The following COL24A1 variants were observed in gnomAD, a reference collection of about 807,000 sequenced individuals.
COL24A1 encodes collagen type XXIV alpha 1 chain.
Under a neutral mutation model 253.9 loss-of-function variants are expected in COL24A1, and 224 were observed. The ratio of observed to expected loss-of-function variants is 0.88; its 90% CI spans 0.79 to 0.99. The LOEUF is 0.99. Ranked by LOEUF, COL24A1 falls within the 50% of genes least tolerant of loss-of-function variation. The pLI, the probability that COL24A1 is intolerant of heterozygous loss-of-function variation, is 0.00. For synonymous variants in COL24A1, 685 were observed against 673.7 expected (o/e 1.02, Z -0.26); for missense variants, 2,131 against 2,068.5 (o/e 1.03, Z -0.59).
intron 3 of COL24A1, among the ~76,000 whole-genome samples, chr1:86,123,343 T>A (rs78700620): frequency 0.75 from 113,392 of 151,400 alleles, 42,461 homozygotes; most frequent in Middle Eastern, 0.82. Flanking sequence ...AAAAATACTA[T>A]TTTTTTAACC....
chr1:86,058,227 T>A (rs974404140), intron 9 of COL24A1, among the ~76,000 whole-genome samples: 4 of 152,000 alleles, frequency 2.6e-5, no homozygotes, highest in Admixed American at 2.6e-4. Flanking sequence ...GTCAGATTTT[T>A]AAAATTTTTT....
chr1:85,739,438 A>C (rs1473613674), intron 57 of COL24A1, among the ~76,000 whole-genome samples: 1 of 152,158 alleles, frequency 6.6e-6, no homozygotes, highest in African/African-American at 2.4e-5. Flanking sequence ...TTCTGACTCA[A>C]AACTAGCTCT....
chr1:85,881,420 C>A (rs936535244), intron 32 of COL24A1, among the ~76,000 whole-genome samples: 3 of 151,524 alleles, frequency 2.0e-5, no homozygotes, highest in African/African-American at 7.3e-5. Context: ...AGTTTGAGAC[C>A]AGCCTGACCA....
At chr1:86,097,907 AT>A (rs1024062795) in intron 5 of COL24A1, among the ~76,000 whole-genome samples, 3 of 152,142 alleles carry the variant, frequency 2.0e-5, no homozygotes, top group African/African-American at 7.2e-5. Flanking sequence ...TTAAATAGTG[AT>A]CTCAGTTGAA....
At chr1:85,894,852 G>A (rs1362053509) in intron 31 of COL24A1, among the ~76,000 whole-genome samples, 4 of 152,130 alleles carry the variant, frequency 2.6e-5, no homozygotes, top group African/African-American at 9.7e-5. Flanking sequence ...GAAACAGCGG[G>A]CAGGGGGCAG....
chr1:85,780,283 T>G (rs1669017753), intron 52 of COL24A1, among the ~76,000 whole-genome samples: 1 of 152,186 alleles, frequency 6.6e-6, no homozygotes, highest in Non-Finnish European at 1.5e-5. Flanking sequence ...TTTATATTTT[T>G]TAATTGTCTG....
intron 12 of COL24A1, among the ~76,000 whole-genome samples, chr1:86,045,559 T>TA (rs77301491): frequency 5.4e-4 from 79 of 145,148 alleles, no homozygotes; most frequent in African/African-American, 1.3e-3. Context: ...AGCTAAAACA[T>TA]AAAAAAAAAA....
chr1:85,997,625 A>G (rs1694959684), intron 19 of COL24A1, among the ~76,000 whole-genome samples: 1 of 152,078 alleles, frequency 6.6e-6, no homozygotes, highest in Admixed American at 6.5e-5. Flanking sequence ...TCTACTAAAA[A>G]TACAAAAATT....
chr1:86,153,185 T>C (rs1265945292), intron 1 of COL24A1, among the ~76,000 whole-genome samples: 1 of 152,186 alleles, frequency 6.6e-6, no homozygotes, highest in Non-Finnish European at 1.5e-5. Flanking sequence ...GGTTACCTTT[T>C]CCTTCCAGTA....
intron 24 of COL24A1, among the ~76,000 whole-genome samples, chr1:85,955,624 G>T (rs1278116812): frequency 1.3e-5 from 2 of 152,276 alleles, no homozygotes; most frequent in East Asian, 1.9e-4. Flanking sequence ...GGACACCAAA[G>T]AAATGAGCCA....
intron 47 of COL24A1, among the ~76,000 whole-genome samples, chr1:85,811,843 G>C (rs1672577233): frequency 6.6e-6 from 1 of 152,210 alleles, no homozygotes; most frequent in Non-Finnish European, 1.5e-5. Context: ...AGCAGATTCA[G>C]GGTGTAAGTT....
intron 5 of COL24A1, among the ~76,000 whole-genome samples, chr1:86,112,264 T>C (rs143239832): frequency 1.3e-5 from 2 of 152,302 alleles, no homozygotes; most frequent in East Asian, 1.9e-4. Context: ...ACTCAAATCA[T>C]AATCTTATAT....
At chr1:86,093,481 G>T (rs1202137769) in intron 5 of COL24A1, among the ~76,000 whole-genome samples, 1 of 151,802 alleles carries the variant, frequency 6.6e-6, no homozygotes, top group African/African-American at 2.4e-5. Flanking sequence ...CTATTCCATT[G>T]GTCTATGTGT....
intron 59 of COL24A1, among the ~76,000 whole-genome samples, chr1:85,732,597 T>A (rs955439691): frequency 2.6e-5 from 4 of 152,174 alleles, no homozygotes; most frequent in Non-Finnish European, 5.9e-5. Flanking sequence ...ATTAGCTGCA[T>A]TACTTTAATT....
chr1:85,949,557 A>G (rs1689691783), intron 24 of COL24A1, among the ~76,000 whole-genome samples: 1 of 152,176 alleles, frequency 6.6e-6, no homozygotes, highest in Admixed American at 6.5e-5. Context: ...TACTGTATAT[A>G]AGATATAGTC....
intron 7 of COL24A1, among the ~76,000 whole-genome samples, chr1:86,085,026 A>G (rs1242524846): frequency 6.6e-6 from 1 of 152,224 alleles, no homozygotes; most frequent in Non-Finnish European, 1.5e-5. Flanking sequence ...AGAGCTGGCT[A>G]TAGAACAGTA....
rs1265227760 is a variant in COL24A1 at position 85,872,052 on chromosome 1, T to C, written c.3138+2597A>G. ...AATCACAAGCATTCTTATACACCAATAACAGACAAACAGCCAAATCATGAG... is the reference window on the plus strand; with the variant it reads ...AATCACAAGCATTCTTATACACCAACAACAGACAAACAGCCAAATCATGAG... On this transcript the variant is annotated intron_variant, in intron 35 of 59. Transcript: ENST00000370571. Among the ~76,000 whole-genome samples the C allele has an allele frequency of 5.3e-5, 8 of 152,044 alleles. No homozygotes were observed. In the East Asian group the frequency reaches 5.8e-4, roughly 11 times the overall value.
chr1:85,927,975 A>T (rs1349566577), intron 24 of COL24A1, among the ~76,000 whole-genome samples: 1 of 86,758 alleles, frequency 1.2e-5, no homozygotes, highest in South Asian at 6.1e-4. Context: ...AACCACAAAG[A>T]TGGGGAAAAA....
At chr1:85,969,143 A>G (rs1429613305) in intron 22 of COL24A1, among the ~76,000 whole-genome samples, 9 of 152,214 alleles carry the variant, frequency 5.9e-5, no homozygotes, top group African/African-American at 1.7e-4. Context: ...TTTAAATAAG[A>G]TCAATTTTAT....
Sources: allele counts gnomAD v4.1 joint callset (sites outside exome capture counted in the v4.1 genomes callset), GRCh38; gene constraint gnomAD v4.1.1; transcripts MANE v1.5; gene names NCBI Gene and HGNC (gene_info 2026-07-23, HGNC 2026-07-21).